THSD4: variants seen among roughly 807,000 people sequenced by gnomAD.
THSD4 encodes thrombospondin type 1 domain containing 4.
In THSD4, 69 loss-of-function variants were observed where a neutral mutation model predicts 119.0. The observed-to-expected ratio is 0.58, with a 90% CI of 0.48 to 0.71. The LOEUF (loss-of-function observed/expected upper bound fraction) is 0.71, where lower values mean the gene tolerates loss of function less well. Among genes scored for constraint, THSD4 ranks in the 30% least tolerant of loss-of-function variants. The pLI is 0.00. For synonymous variants in THSD4, 524 were observed against 540.4 expected (o/e 0.97, Z 0.42); for missense variants, 1,393 against 1,391.1 (o/e 1.00, Z -0.02).
At chr15:71,192,059 T>A (rs1179590559) in intron 3 of THSD4, among the ~76,000 whole-genome samples, 1 of 151,624 alleles carries the variant, frequency 6.6e-6, no homozygotes, top group Admixed American at 6.6e-5. Context: ...CCCACCACTA[T>A]GCCCAGCTAA....
intron 1 of THSD4, among the ~76,000 whole-genome samples, chr15:71,108,676 G>T (rs912344504): frequency 6.6e-6 from 1 of 152,086 alleles, no homozygotes. Context: ...TTTCCCCTGG[G>T]CCTCTGTTTT....
At chr15:71,683,017 G>A (rs530182575) in intron 8 of THSD4, among the ~76,000 whole-genome samples, 4 of 147,502 alleles carry the variant, frequency 2.7e-5, no homozygotes, top group African/African-American at 1.0e-4. Context: ...ACCCCCCTGG[G>A]CTCAAGAGAT....
At position 71,781,857 on chromosome 15, in the gene THSD4, T is replaced by C. The variant is rs2054003147; in HGVS notation, c.*4483T>C. ...TCCACTCAGGGCTTAGGGGAGTCTGTGAGTAGAAGAGCTTTAGGTGATTTG... is the reference window on the plus strand; with the variant it reads ...TCCACTCAGGGCTTAGGGGAGTCTGCGAGTAGAAGAGCTTTAGGTGATTTG... On this transcript the variant is annotated 3_prime_UTR_variant, in exon 18 of 18. Transcript: ENST00000261862. The C allele has an allele frequency of 6.6e-6, 1 of 152,294 alleles. No individual in the cohort carries two copies. Among genetic ancestry groups the C allele is most frequent in the Admixed American group, 6.5e-5 (1 of 15,274 alleles). 9.4% of individuals were successfully genotyped at this position (152,294 alleles called of 1,614,324 possible). A position where few individuals can be genotyped will look rare whatever the true frequency, so the allele number is the denominator to read the frequency against.
At chr15:71,146,677 G>A (rs2040665030) in intron 2 of THSD4, among the ~76,000 whole-genome samples, 1 of 152,176 alleles carries the variant, frequency 6.6e-6, no homozygotes. Context: ...GGGTGCAGAA[G>A]TGTGCAAGTG....
chr15:71,610,300 C>T (rs959715503), intron 7 of THSD4, among the ~76,000 whole-genome samples: 6 of 152,182 alleles, frequency 3.9e-5, no homozygotes, highest in South Asian at 2.1e-4. Context: ...GCACCTTCTG[C>T]CATCTTCATC....
intron 7 of THSD4, among the ~76,000 whole-genome samples, chr15:71,620,804 T>A (rs1397039468): frequency 6.6e-6 from 1 of 152,100 alleles, no homozygotes; most frequent in East Asian, 1.9e-4. Context: ...GTGACCACTC[T>A]TAGTAGTGGA....
intron 7 of THSD4, among the ~76,000 whole-genome samples, chr15:71,471,810 G>A (rs2047584935): frequency 6.6e-6 from 1 of 152,120 alleles, no homozygotes; most frequent in Admixed American, 6.6e-5. Flanking sequence ...CACTGGCTAT[G>A]AGAGACAGGC....
At position 71,416,746 on chromosome 15, in the gene THSD4, GTTTTA is replaced by G. The variant is rs370499335; in HGVS notation, c.1152+4948_1152+4952del. Among the ~76,000 whole-genome samples, 19 of 16,548 alleles carry G rather than the reference GTTTTA, an allele frequency of 1.1e-3. 2 individuals are homozygous for G. Among genetic ancestry groups the G allele is most frequent in the Non-Finnish European group, 5.6e-3 (5 of 888 alleles). The allele number at this position is 16,548 out of a possible 152,430, so 10.9% of individuals were successfully genotyped here. Reference sequence around the variant, plus strand: ...GTTTTGTTTTGTTTTGTTTTGTTTTGTTTTATTTTATTTTATTTTATTTTATTTTC... The same window carrying G: ...GTTTTGTTTTGTTTTGTTTTGTTTTGTTTTATTTTATTTTATTTTATTTTC... On this transcript the variant is annotated intron_variant, in intron 7 of 17. Coordinates refer to ENST00000261862, the MANE Select transcript of THSD4 (RefSeq NM_024817.3).
chr15:71,280,195 C>T lies in THSD4; in HGVS notation c.1015+23480C>T, dbSNP rs1031304874. Among the ~76,000 whole-genome samples, 8 of 152,096 alleles carry T rather than the reference C, an allele frequency of 5.3e-5. 1 individual carries two copies. In the South Asian group the frequency reaches 6.2e-4, roughly 12 times the overall value. On this transcript the variant is annotated intron_variant, in intron 6 of 17. Coordinates refer to ENST00000261862, the MANE Select transcript of THSD4 (RefSeq NM_024817.3). ...AGAAAATACAGGTGTTAGGAAACAT[C>T]GGCGAGTGTCCTTCCTCTGGAGCAA... is the stretch of plus-strand genomic sequence containing the variant.
chr15:71,391,756 G>A lies in THSD4; in HGVS notation c.1016-19931G>A, dbSNP rs147648026. Among the ~76,000 whole-genome samples the A allele has an allele frequency of 2.0e-3, 305 of 152,272 alleles. 2 individuals are homozygous for A. Among genetic ancestry groups the A allele is most frequent in the Middle Eastern group, 0.01 (3 of 294 alleles). ...TCATTAAGACTTGTGTTTATCAGTGGCTGATGATTGAACTGCAGGAGACGA... is the reference window on the plus strand; with the variant it reads ...TCATTAAGACTTGTGTTTATCAGTGACTGATGATTGAACTGCAGGAGACGA... On this transcript the variant is annotated intron_variant, in intron 6 of 17. Transcript: ENST00000261862.
At chr15:71,295,286 A>G (rs1055961339) in intron 6 of THSD4, among the ~76,000 whole-genome samples, 2 of 152,192 alleles carry the variant, frequency 1.3e-5, no homozygotes, top group Admixed American at 1.3e-4. Flanking sequence ...CAGGATCACG[A>G]TGAACTCTCA....
rs149704610 is a variant in THSD4 at position 71,736,503 on chromosome 15, TGCTC to T, written c.1631-1228_1631-1225del. Among the ~76,000 whole-genome samples the T allele has an allele frequency of 5.3e-4, 79 of 149,440 alleles. 2 individuals carry two copies. The East Asian group carries it at 9.6e-3, about 18-fold the overall frequency. On this transcript the variant is annotated intron_variant, in intron 10 of 17. Coordinates refer to ENST00000261862, the MANE Select transcript of THSD4 (RefSeq NM_024817.3). The stretch of plus-strand genomic sequence containing the variant: ...ACTCTCTGTCTCTGTGTCTCTGTCT[TGCTC>T]TCTCTATCTGTGTCTCTGTCTCTCT...
At chr15:71,488,730 A>T (rs1024476786) in intron 7 of THSD4, among the ~76,000 whole-genome samples, 18 of 151,840 alleles carry the variant, frequency 1.2e-4, no homozygotes, top group African/African-American at 4.1e-4. Context: ...CTTTTCATTT[A>T]CTTAGGTTTT....
intron 8 of THSD4, among the ~76,000 whole-genome samples, chr15:71,708,199 A>C (rs942715702): frequency 6.6e-6 from 1 of 152,198 alleles, no homozygotes; most frequent in Non-Finnish European, 1.5e-5. Flanking sequence ...GTCATCAATG[A>C]CCTGCCAAGG....
intron 6 of THSD4, among the ~76,000 whole-genome samples, chr15:71,378,723 A>C (rs922416750): frequency 6.6e-6 from 1 of 152,214 alleles, no homozygotes; most frequent in African/African-American, 2.4e-5. Context: ...GTTGAGAGTC[A>C]CTGCTTAATA....
In THSD4 at chr15:71,366,283, C is replaced by T. The variant is rs12101429; in HGVS notation, c.1016-45404C>T. ...TACAGACGGGGTTTCACCATGTTAG[C>T]CAGGATGGTCTCGATCTCCCGTCCT... On this transcript the variant is annotated intron_variant, in intron 6 of 17. Coordinates refer to ENST00000261862, the MANE Select transcript of THSD4 (RefSeq NM_024817.3). Among the ~76,000 whole-genome samples, 192 of 152,198 alleles carry T rather than the reference C, an allele frequency of 1.3e-3. 2 individuals carry two copies. The highest frequency in any genetic ancestry group is 4.5e-3 in the African/African-American group (186 of 41,540).
chr15:71,128,722 C>T (rs948387141), intron 1 of THSD4, among the ~76,000 whole-genome samples: 4 of 152,008 alleles, frequency 2.6e-5, no homozygotes, highest in African/African-American at 9.7e-5. Context: ...TATACCAAGA[C>T]ATATCATAGT....
chr15:71,339,985 G>A (rs941361559), intron 6 of THSD4, among the ~76,000 whole-genome samples: 2 of 152,094 alleles, frequency 1.3e-5, no homozygotes, highest in African/African-American at 4.8e-5. Flanking sequence ...GGCTGGTCTT[G>A]AACTCCTGAC....
In THSD4 at chr15:71,590,338, G is replaced by GACTA. The variant is rs1269475977; in HGVS notation, c.1153-70191_1153-70188dup. Among the ~76,000 whole-genome samples, 2 of 14,054 alleles carry GACTA rather than the reference G, an allele frequency of 1.4e-4. 1 individual carries two copies. 9.2% of individuals were successfully genotyped at this position (14,054 alleles called of 152,430 possible). A position where few individuals can be genotyped will look rare whatever the true frequency, so the allele number is the denominator to read the frequency against. On this transcript the variant is annotated intron_variant, in intron 7 of 17. Transcript: ENST00000261862. ...GTAGTTTTGAGGCCGTGTGGACCTG[G>GACTA]ACTAGGTTGATAGGAATAGGCCATT...
Sources: allele counts gnomAD v4.1 joint callset (sites outside exome capture counted in the v4.1 genomes callset), GRCh38; gene constraint gnomAD v4.1.1; transcripts MANE v1.5; gene names NCBI Gene and HGNC (gene_info 2026-07-23, HGNC 2026-07-21).